The following BCO2 variants were observed in gnomAD, a reference collection of about 807,000 sequenced individuals.
BCO2 encodes carotenoid-cleaving dioxygenase, mitochondrial.
A neutral mutation model predicts 65.8 loss-of-function variants in BCO2; 56 were observed. The observed-to-expected ratio is 0.85, with a 90% CI of 0.69 to 1.06. The LOEUF is 1.06. Ranked by LOEUF, BCO2 falls within the 50% of genes least tolerant of loss-of-function variation. The probability of loss-of-function intolerance (pLI) is 0.00; values close to 1 mark genes in which losing one functional copy is unlikely to be tolerated. For missense variants in BCO2, 675 were observed against 698.5 expected (o/e 0.97, Z 0.38); for synonymous variants, 233 against 242.3 (o/e 0.96, Z 0.36).
intron 2 of BCO2, among the ~76,000 whole-genome samples, chr11:112,191,774 A>G (rs1867397904): frequency 6.6e-6 from 1 of 152,192 alleles, no homozygotes; most frequent in African/African-American, 2.4e-5. Context: ...GAATAGACCA[A>G]TAGATGAATG....
chr11:112,193,187 C>T (rs1175497464), intron 2 of BCO2, among the ~76,000 whole-genome samples: 1 of 151,328 alleles, frequency 6.6e-6, no homozygotes, highest in Non-Finnish European at 1.5e-5. Context: ...ACCACGTTAG[C>T]CAGGACGGTC....
At chr11:112,216,007 G>A (rs980410451) in intron 10 of BCO2, 6 of 553,536 alleles carry the variant, frequency 1.1e-5, no homozygotes, top group Non-Finnish European at 1.6e-5. Context: ...AGGGGATGGT[G>A]CTAAGCTATT....
chr11:112,196,254 C>CT (rs769379534), intron 5 of BCO2, among the ~76,000 whole-genome samples: 210 of 147,084 alleles, frequency 1.4e-3, no homozygotes, highest in East Asian at 1.8e-3. Flanking sequence ...ACTGAATCTA[C>CT]TTTTTTTTTT....
At chr11:112,206,100 G>A (rs1428374977) in intron 8 of BCO2, among the ~76,000 whole-genome samples, 4 of 152,174 alleles carry the variant, frequency 2.6e-5, no homozygotes, top group Non-Finnish European at 5.9e-5. Context: ...AGGCAGAGGC[G>A]CTCCTCACAT....
chr11:112,191,969 A>G (rs1330074644), intron 2 of BCO2, among the ~76,000 whole-genome samples: 1 of 152,202 alleles, frequency 6.6e-6, no homozygotes, highest in Non-Finnish European at 1.5e-5. Context: ...TTAAGACAAC[A>G]GTTAAGTAGT....
At chr11:112,215,026 C>G (rs765917585) in intron 10 of BCO2, 82 bp downstream of exon 10, 1 of 1,336,622 alleles carries the variant, frequency 7.5e-7, no homozygotes, top group Non-Finnish European at 1.1e-6. Context: ...TAAAGTAGCT[C>G]TTAAGATTCT....
chr11:112,217,846 G>A lies in BCO2; in HGVS notation c.1712G>A (p.Gly571Glu). 6.2e-7 allele frequency: 1 copy of A among 1,613,816 alleles called. No homozygotes were observed. Among genetic ancestry groups the A allele is most frequent in the South Asian group, 1.1e-5 (1 of 91,046 alleles). The change falls in exon 12 of 12, where the codon GGG (glycine) becomes GAG (glutamate). Residue 571 changes from glycine (G) to glutamate (E), a missense_variant. Coordinates refer to ENST00000357685, the MANE Select transcript of BCO2 (RefSeq NM_031938.7). ...RAEVPVQMPY[G>E]FHGTFIPI ...GAGGTACCTGTGCAGATGCCTTATG[G>A]GTTCCATGGTACCTTCATACCCATC...
intron 2 of BCO2, among the ~76,000 whole-genome samples, chr11:112,185,572 C>A (rs918809006): frequency 6.6e-6 from 1 of 152,138 alleles, no homozygotes; most frequent in Non-Finnish European, 1.5e-5. Context: ...GTATTTCCTG[C>A]CAGTTTTCCT....
At chr11:112,210,026 A>G (rs535795169) in intron 8 of BCO2, among the ~76,000 whole-genome samples, 7 of 152,212 alleles carry the variant, frequency 4.6e-5, no homozygotes, top group African/African-American at 1.7e-4. Context: ...ATGATATTGT[A>G]TAGGATTGAT....
rs1244322786 is a variant in BCO2, at chr11:112,199,833, T to A, written c.865+6T>A. ...TTCTTACTACCATAGCTTTGGTGAG[T>A]CCAGAGATAAGGCAAATTTCAGTGG... On this transcript the variant is annotated splice_donor_region_variant and intron_variant, in intron 6 of 11. Coordinates refer to ENST00000357685, the MANE Select transcript of BCO2 (RefSeq NM_031938.7). The A allele has an allele frequency of 6.2e-7, 1 of 1,613,448 alleles. No homozygotes were observed. The highest frequency in any genetic ancestry group is 2.2e-5 in the East Asian group (1 of 44,862).
rs1347415009 is a variant in BCO2 at position 112,200,716 on chromosome 11, A to G, written c.969A>G (p.Ile323Met). The change falls in exon 7 of 12, where the codon ATA (isoleucine) becomes ATG (methionine). Residue 323 changes from isoleucine to methionine, a missense_variant. Coordinates refer to ENST00000357685, the MANE Select transcript of BCO2 (RefSeq NM_031938.7). ...KIRGKAFSDGISWEPQCNTRF... is the reference protein window; with the variant it reads ...KIRGKAFSDGMSWEPQCNTRF... ...GGGGAAAGGCCTTTTCAGATGGGAT[A>G]AGCTGGGAACCCCAGTGTAATACGC... 6.2e-7 allele frequency: 1 copy of G among 1,613,896 alleles called. No homozygotes were observed. Among genetic ancestry groups the G allele is most frequent in the African/African-American group, 1.3e-5 (1 of 74,924 alleles).
Position 112,217,851 on chromosome 11 carries a change from C to A in BCO2, c.1717C>A (p.His573Asn). The change falls in exon 12 of 12, where the codon CAT becomes AAT. Residue 573 changes from histidine to asparagine, a missense_variant. By Grantham distance (68) the His-to-Asn change is moderately conservative. Transcript: ENST00000357685. Reference protein sequence around the residue: ...EVPVQMPYGFHGTFIPI With the variant: ...EVPVQMPYGFNGTFIPI ...ACCTGTGCAGATGCCTTATGGGTTC[C>A]ATGGTACCTTCATACCCATCTGATG... is the stretch of plus-strand genomic sequence containing the variant. 1 of 1,613,608 alleles carries A rather than the reference C, an allele frequency of 6.2e-7. No homozygotes were observed. The highest frequency in any genetic ancestry group is 8.5e-7 in the Non-Finnish European group (1 of 1,179,606).
At chr11:112,189,216 T>C (rs1867295010) in intron 2 of BCO2, among the ~76,000 whole-genome samples, 1 of 152,062 alleles carries the variant, frequency 6.6e-6, no homozygotes, top group Admixed American at 6.6e-5. Context: ...AGGCCAGGTG[T>C]GGTGGCTCAT....
chr11:112,210,104 C>T (rs117001721), intron 8 of BCO2, among the ~76,000 whole-genome samples: 1 of 152,122 alleles, frequency 6.6e-6, no homozygotes, highest in Admixed American at 6.5e-5. Flanking sequence ...TCCTTATAGG[C>T]AGATCTACAG....
chr11:112,185,761 G>T (rs908220922), intron 2 of BCO2, among the ~76,000 whole-genome samples: 6 of 151,984 alleles, frequency 3.9e-5, no homozygotes, highest in African/African-American at 1.4e-4. Context: ...AAAAAATATT[G>T]TGGTAAAATA....
At chr11:112,184,024 A>T (rs1040995900) in intron 2 of BCO2, among the ~76,000 whole-genome samples, 2 of 152,236 alleles carry the variant, frequency 1.3e-5, no homozygotes, top group Non-Finnish European at 2.9e-5. Flanking sequence ...TAGTTTTCTC[A>T]TACAATCATC....
chr11:112,215,021 T>A, intron 10 of BCO2, 77 bp downstream of exon 10: 1 of 1,397,308 alleles, frequency 7.2e-7, no homozygotes, highest in Non-Finnish European at 1.0e-6. Context: ...TTATTTAAAG[T>A]AGCTCTTAAG....
At chr11:112,213,529 C>A (rs1859571823) in intron 8 of BCO2, among the ~76,000 whole-genome samples, 195 bp from the exon 9 acceptor site, 1 of 152,180 alleles carries the variant, frequency 6.6e-6, no homozygotes, top group African/African-American at 2.4e-5. Context: ...TTGCTTTATT[C>A]ATGACTGTAT....
chr11:112,190,457 G>A (rs1030118574), intron 2 of BCO2, among the ~76,000 whole-genome samples: 9 of 151,998 alleles, frequency 5.9e-5, no homozygotes, highest in African/African-American at 1.5e-4. Context: ...ATACAAATAC[G>A]CCATATTAGT....
Sources: gnomAD v4.1 joint callset for allele counts (sites outside exome capture counted in the v4.1 genomes callset) on GRCh38, gnomAD v4.1.1 for gene constraint, MANE v1.5 for transcripts, NCBI Gene and HGNC (gene_info 2026-07-23, HGNC 2026-07-21) for gene names.